The following HLCS variants were observed in gnomAD, a reference collection of about 807,000 sequenced individuals.
HLCS encodes the protein biotin--protein ligase.
HLCS carries 53 observed loss-of-function variants against 75.0 expected under a neutral mutation model. The observed-to-expected ratio is 0.71, with a 90% confidence interval of 0.57 to 0.89. The LOEUF (loss-of-function observed/expected upper bound fraction) is 0.89, where lower values mean the gene tolerates loss of function less well. Among genes scored for constraint, HLCS ranks in the 40% least tolerant of loss-of-function variants. The probability of loss-of-function intolerance (pLI) is 0.00; values close to 1 mark genes in which losing one functional copy is unlikely to be tolerated. For missense variants in HLCS, 966 were observed against 1,074.0 expected (o/e 0.90, Z 1.41); for synonymous variants, 431 against 428.6 (o/e 1.01, Z -0.07).
At position 36,767,242 on chromosome 21, in the gene HLCS, C is replaced by T. The variant is rs754564050; in HGVS notation, c.1936G>A (p.Ala646Thr). The T allele has an allele frequency of 2.0e-5, 32 of 1,614,032 alleles. 1 individual carries two copies. In the Admixed American group the frequency reaches 2.0e-4, roughly 10 times the overall value. ...TPQEMGLIVI[A>T]ARQTEGKGRG... ...CCTTTGCCCTCGGTCTGCCGGGCCG[C>T]GATCACTATTAAGCCCATTTCCTGC... is the stretch of plus-strand genomic sequence containing the variant. Residue 646 changes from alanine to threonine, a missense_variant, in exon 7 of 11, where the codon GCG becomes ACG. Coordinates refer to ENST00000674895, the MANE Select transcript of HLCS (RefSeq NM_001352514.2).
chr21:36,788,611 G>C (rs1465192499), intron 6 of HLCS, among the ~76,000 whole-genome samples: 4 of 152,240 alleles, frequency 2.6e-5, no homozygotes, highest in South Asian at 2.1e-4. Context: ...AGTAATGAGT[G>C]TGGGAGGAGG....
At chr21:36,893,825 C>A (rs1180661417) in intron 6 of HLCS, among the ~76,000 whole-genome samples, 3 of 152,142 alleles carry the variant, frequency 2.0e-5, no homozygotes, top group African/African-American at 7.2e-5. Flanking sequence ...GGGATCCCTG[C>A]ACTAAAAAAT....
At chr21:36,938,448 C>T (rs1186318603) in intron 3 of HLCS, among the ~76,000 whole-genome samples, 1 of 152,154 alleles carries the variant, frequency 6.6e-6, no homozygotes, top group Non-Finnish European at 1.5e-5. Context: ...CCAAGCATAG[C>T]CTTTATGTCA....
At chr21:36,856,842 A>G (rs1601530306) in intron 6 of HLCS, among the ~76,000 whole-genome samples, 1 of 152,228 alleles carries the variant, frequency 6.6e-6, no homozygotes, top group Admixed American at 6.5e-5. Context: ...AGAAAACCAG[A>G]GCAAAGGAAC....
intron 6 of HLCS, among the ~76,000 whole-genome samples, chr21:36,893,839 G>C (rs1026263877): frequency 9.8e-5 from 15 of 152,326 alleles, no homozygotes; most frequent in African/African-American, 3.6e-4. Context: ...AAAAAATAAT[G>C]TATGAGATTC....
At chr21:36,760,964 G>A (rs1909510214) in intron 8 of HLCS, among the ~76,000 whole-genome samples, 1 of 152,266 alleles carries the variant, frequency 6.6e-6, no homozygotes, top group Admixed American at 6.5e-5. Context: ...GGTAAAGGAA[G>A]CCTGTCTGGA....
At chr21:36,965,094 A>G (rs2068497366) in intron 1 of HLCS, among the ~76,000 whole-genome samples, 1 of 152,218 alleles carries the variant, frequency 6.6e-6, no homozygotes, top group Non-Finnish European at 1.5e-5. Context: ...TCAGTGTGAC[A>G]TAATACATAT....
At chr21:36,783,067 A>T (rs2060581712) in intron 6 of HLCS, among the ~76,000 whole-genome samples, 1 of 152,164 alleles carries the variant, frequency 6.6e-6, no homozygotes, top group East Asian at 1.9e-4. Flanking sequence ...CTTTTTGCTC[A>T]ATTTTAACAA....
rs1252492956 is a variant in HLCS, at chr21:36,749,381, A to G, written c.*4865T>C. The G allele has an allele frequency of 2.6e-5, 4 of 152,184 alleles. No individual in the cohort carries two copies. Among genetic ancestry groups the G allele is most frequent in the Non-Finnish European group, 4.4e-5 (3 of 68,028 alleles). 9.4% of individuals were successfully genotyped at this position (152,184 alleles called of 1,614,324 possible). On this transcript the variant is annotated 3_prime_UTR_variant, in exon 11 of 11. Coordinates refer to ENST00000674895, the MANE Select transcript of HLCS (RefSeq NM_001352514.2). The stretch of plus-strand genomic sequence containing the variant: ...TTCTGAATGGAAAGAGGTTTTCACA[A>G]ATGTTTTAAACTCATCGTTCTAAAA...
At chr21:36,886,310 G>A (rs1310142267) in intron 6 of HLCS, among the ~76,000 whole-genome samples, 1 of 151,832 alleles carries the variant, frequency 6.6e-6, no homozygotes, top group Non-Finnish European at 1.5e-5. Flanking sequence ...GCAGGTGTCT[G>A]TAGTCTCAGC....
intron 6 of HLCS, among the ~76,000 whole-genome samples, chr21:36,816,938 G>T (rs1369295443): frequency 6.6e-6 from 1 of 152,196 alleles, no homozygotes; most frequent in African/African-American, 2.4e-5. Context: ...AAGGATCAGA[G>T]GAGTCAGCTG....
At chr21:36,794,336 A>C (rs920784992) in intron 6 of HLCS, among the ~76,000 whole-genome samples, 1 of 152,248 alleles carries the variant, frequency 6.6e-6, no homozygotes, top group Non-Finnish European at 1.5e-5. Context: ...GGAAGGACAA[A>C]GGATGGGGTG....
chr21:36,973,750 G>A (rs2068858664), intron 1 of HLCS: 2 of 152,310 alleles, frequency 1.3e-5, no homozygotes, highest in Non-Finnish European at 2.9e-5. Flanking sequence ...CGGCACTTCG[G>A]GAGGCCAAGG....
intron 6 of HLCS, among the ~76,000 whole-genome samples, chr21:36,881,194 T>C (rs542000949): frequency 4.6e-5 from 7 of 152,166 alleles, no homozygotes; most frequent in Non-Finnish European, 8.8e-5. Context: ...GGTCTCAAAC[T>C]CCTGACCTCA....
At chr21:36,936,360 T>A (rs2066877000) in intron 4 of HLCS, 89 bp downstream of exon 4, 1 of 1,190,236 alleles carries the variant, frequency 8.4e-7, no homozygotes, top group African/African-American at 1.5e-5. Context: ...CTCCTGAAAC[T>A]TTTAAGCGTG....
Position 36,878,256 on chromosome 21 carries a change from C to T in HLCS, c.1892+18604G>A, listed in dbSNP as rs189589657. The stretch of plus-strand genomic sequence containing the variant: ...CTGTTTATTTTTTAAATCTTTTTCT[C>T]TCTTCTTCAGATTAGATAATTATTA... On this transcript the variant is annotated intron_variant, in intron 6 of 10. Transcript: ENST00000674895. Among the ~76,000 whole-genome samples the T allele has an allele frequency of 2.7e-3, 416 of 152,182 alleles. 1 individual carries two copies. The highest frequency in any genetic ancestry group is 4.5e-3 in the Non-Finnish European group (308 of 67,962).
rs1208310395 is a variant in HLCS, at chr21:36,750,705, C to T, written c.*3541G>A. On this transcript the variant is annotated 3_prime_UTR_variant, in exon 11 of 11. Coordinates refer to ENST00000674895, the MANE Select transcript of HLCS (RefSeq NM_001352514.2). ...TTTGCAAATAAATGCCATAAAATTA[C>T]AGTAGCTTGGAATTTTAGTGAATCA... Among the ~76,000 whole-genome samples the T allele has an allele frequency of 6.6e-6, 1 of 151,128 alleles. No homozygotes were observed. The highest frequency in any genetic ancestry group is 2.4e-5 in the African/African-American group (1 of 41,000).
chr21:36,850,418 G>C (rs947814224), intron 6 of HLCS, among the ~76,000 whole-genome samples: 9 of 152,156 alleles, frequency 5.9e-5, no homozygotes, highest in South Asian at 2.1e-4. Context: ...TGGGTACTAG[G>C]TAACCCCTGA....
At chr21:36,854,155 G>A (rs2063107594) in intron 6 of HLCS, among the ~76,000 whole-genome samples, 2 of 152,140 alleles carry the variant, frequency 1.3e-5, no homozygotes, top group Non-Finnish European at 2.9e-5. Flanking sequence ...CTCTTTGAAC[G>A]TCAATATTTG....
Sources: allele counts gnomAD v4.1 joint callset (sites outside exome capture counted in the v4.1 genomes callset), GRCh38; gene constraint gnomAD v4.1.1; transcripts MANE v1.5; gene names NCBI Gene and HGNC (gene_info 2026-07-23, HGNC 2026-07-21).